The following USP10 variants were observed in gnomAD, a reference collection of about 807,000 sequenced individuals.
USP10 encodes ubiquitin carboxyl-terminal hydrolase 10.
In USP10, 22 loss-of-function variants were observed where a neutral mutation model predicts 84.5. The observed-to-expected ratio is 0.26, with a 90% CI of 0.19 to 0.37. The LOEUF is 0.37. Ranked by LOEUF, USP10 falls within the 10% of genes least tolerant of loss-of-function variation. The pLI is 1.00. For missense variants in USP10, 1,019 were observed against 998.9 expected (o/e 1.02, Z -0.27); for synonymous variants, 454 against 387.6 (o/e 1.17, Z -2.01).
intron 1 of USP10, among the ~76,000 whole-genome samples, chr16:84,710,788 C>G (rs1906180581): frequency 6.6e-6 from 1 of 152,188 alleles, no homozygotes; most frequent in African/African-American, 2.4e-5. Context: ...CTGGGTGCCA[C>G]CAAGAGACAC....
At chr16:84,723,632 T>A (rs1388308870) in intron 1 of USP10, among the ~76,000 whole-genome samples, 2 of 152,226 alleles carry the variant, frequency 1.3e-5, no homozygotes, top group East Asian at 3.8e-4. Context: ...ACAAAGCTAT[T>A]TTGAGCACCT....
intron 12 of USP10, among the ~76,000 whole-genome samples, chr16:84,774,183 G>C (rs1914736748): frequency 6.6e-6 from 1 of 151,916 alleles, no homozygotes; most frequent in East Asian, 2.0e-4. Context: ...CTGGGAAGCA[G>C]AGGTTGCTGA....
intron 8 of USP10, 116 bp downstream of exon 8, chr16:84,760,391 A>C (rs1342518444): frequency 3.5e-6 from 3 of 860,158 alleles, no homozygotes; most frequent in Non-Finnish European, 5.5e-6. Context: ...AAGTAGATGT[A>C]GGTTTATAAG....
At position 84,760,206 on chromosome 16, in the gene USP10, T is replaced by A. The variant is rs923901187; in HGVS notation, c.1485T>A (p.Pro495=). ...ATAAAATCGTGAGGGATATTCGCCC[T>A]GGAGCTGCCTTTGAGCCCACATATA... ...LGDKIVRDIR[P]GAAFEPTYIY... is the part of the protein sequence containing the mutation. The change falls in exon 8 of 14, where the codon CCT becomes CCA. Residue 495 remains proline (P), a synonymous_variant. Transcript: ENST00000219473. The A allele has an allele frequency of 1.4e-5, 23 of 1,610,730 alleles. No homozygotes were observed. Among genetic ancestry groups the A allele is most frequent in the Non-Finnish European group, 1.9e-5 (22 of 1,178,404 alleles).
intron 1 of USP10, among the ~76,000 whole-genome samples, chr16:84,718,440 ATTAC>A (rs1306513413): frequency 2.0e-5 from 3 of 152,124 alleles, no homozygotes; most frequent in Non-Finnish European, 4.4e-5. Flanking sequence ...TTTCTGTCAT[ATTAC>A]TTCTAATTTA....
At chr16:84,739,880 C>G (rs905603963) in intron 2 of USP10, among the ~76,000 whole-genome samples, 1 of 152,196 alleles carries the variant, frequency 6.6e-6, no homozygotes, top group African/African-American at 2.4e-5. Flanking sequence ...CCTCTACTGG[C>G]TGTGTTGCAA....
chr16:84,734,972 T>C (rs1399913901), intron 2 of USP10, among the ~76,000 whole-genome samples: 1 of 152,254 alleles, frequency 6.6e-6, no homozygotes, highest in African/African-American at 2.4e-5. Flanking sequence ...TGTGGGCCTA[T>C]TGCTTATCTC....
chr16:84,751,100 T>C (rs1911877887), intron 4 of USP10, among the ~76,000 whole-genome samples: 1 of 152,252 alleles, frequency 6.6e-6, no homozygotes, highest in Non-Finnish European at 1.5e-5. Context: ...AAGATTATAA[T>C]GGAGCTAAAC....
intron 4 of USP10, among the ~76,000 whole-genome samples, chr16:84,753,583 T>G (rs1383572885): frequency 6.6e-6 from 1 of 152,212 alleles, no homozygotes; most frequent in Admixed American, 6.5e-5. Flanking sequence ...GCACAATGAA[T>G]GAAGTGGCAG....
intron 11 of USP10, among the ~76,000 whole-genome samples, 171 bp from the exon 12 acceptor site, chr16:84,772,370 G>A (rs1914544147): frequency 6.6e-6 from 1 of 152,142 alleles, no homozygotes; most frequent in Admixed American, 6.5e-5. Context: ...TTTCTTAAGA[G>A]GAGCATTGGT....
At chr16:84,753,719 T>C (rs1490554600) in intron 4 of USP10, among the ~76,000 whole-genome samples, 6 of 152,242 alleles carry the variant, frequency 3.9e-5, no homozygotes, top group African/African-American at 1.4e-4. Flanking sequence ...TAAAGTCTGT[T>C]GAGTCATTTC....
At chr16:84,714,603 G>A (rs1363933286) in intron 1 of USP10, among the ~76,000 whole-genome samples, 1 of 151,794 alleles carries the variant, frequency 6.6e-6, no homozygotes, top group East Asian at 1.9e-4. Flanking sequence ...GGACTGCAGC[G>A]TATTCACAAG....
intron 1 of USP10, 135 bp downstream of exon 1, chr16:84,700,246 G>A: frequency 2.8e-6 from 2 of 722,296 alleles, no homozygotes; most frequent in Non-Finnish European, 3.5e-6. Flanking sequence ...ACGCTGCCCG[G>A]GCCTAGGCCG....
chr16:84,759,797 G>A (rs1042278602), intron 6 of USP10, 94 bp from the exon 7 acceptor site: 21 of 1,270,338 alleles, frequency 1.7e-5, no homozygotes, highest in East Asian at 4.7e-5. Flanking sequence ...TACTATACTC[G>A]TATAGCTGAT....
intron 5 of USP10, 84 bp downstream of exon 5, chr16:84,758,891 T>C (rs1288547871): frequency 4.2e-6 from 4 of 952,506 alleles, no homozygotes; most frequent in South Asian, 1.3e-5. Context: ...TCAGCTTCCG[T>C]GGGCCATCTA....
intron 1 of USP10, among the ~76,000 whole-genome samples, chr16:84,731,313 G>C (rs12597374): frequency 2.6e-5 from 4 of 151,396 alleles, no homozygotes; most frequent in Non-Finnish European, 4.4e-5. Context: ...GCTCGTTGCA[G>C]AGCAGGGCTA....
intron 2 of USP10, among the ~76,000 whole-genome samples, chr16:84,738,316 A>G (rs1266648084): frequency 4.6e-5 from 7 of 152,236 alleles, no homozygotes; most frequent in African/African-American, 1.4e-4. Context: ...GTGTAAAAAT[A>G]GAGTGATTCA....
At chr16:84,776,322 G>GGGGTGAGGGCCTA (rs1555550742) in intron 13 of USP10, among the ~76,000 whole-genome samples, 1 of 150,992 alleles carries the variant, frequency 6.6e-6, no homozygotes, top group African/African-American at 2.4e-5. Flanking sequence ...TGGGGGCCCA[G>GGGGTGAGGGCCTA]GGGTGAGGGC....
intron 1 of USP10, among the ~76,000 whole-genome samples, chr16:84,720,576 A>ATATTTTTTTTTTTTTT (rs1364375205): frequency 2.3e-5 from 2 of 88,340 alleles, no homozygotes; most frequent in African/African-American, 9.4e-5. Flanking sequence ...ATGATGCCCA[A>ATATTTTTTTTTTTTTT]TTTTTTTTTT....
Sources: allele counts gnomAD v4.1 joint callset (sites outside exome capture counted in the v4.1 genomes callset), GRCh38; gene constraint gnomAD v4.1.1; transcripts MANE v1.5; gene names NCBI Gene and HGNC (gene_info 2026-07-23, HGNC 2026-07-21).